Variants in GGT7 observed in about 807,000 individuals in gnomAD.
GGT7 encodes the protein gamma-glutamyltransferase 7.
GGT7 carries 30 observed loss-of-function variants against 69.2 expected under a neutral mutation model. That is an observed-to-expected ratio of 0.43 (90% CI 0.32 to 0.59). The LOEUF is 0.59. GGT7 is among the 20% of genes least tolerant of loss of function. GGT7 has a pLI of 0.05. For synonymous variants in GGT7, 388 were observed against 391.8 expected, an observed-to-expected ratio of 0.99 and a Z score of 0.12; for missense variants, 733 against 901.1, an observed-to-expected ratio of 0.81 and a Z score of 2.39.
intron 10 of GGT7, 101 bp from the exon 11 acceptor site, chr20:34,852,639 C>T: frequency 1.8e-6 from 2 of 1,128,852 alleles, no homozygotes; most frequent in Non-Finnish European, 2.4e-6. Flanking sequence ...ATGAAATCTA[C>T]CTCCCTCACT....
intron 1 of GGT7, among the ~76,000 whole-genome samples, chr20:34,870,968 T>C (rs2079767991): frequency 6.6e-6 from 1 of 151,588 alleles, no homozygotes; most frequent in Non-Finnish European, 1.5e-5. Context: ...ATTTTTGTAT[T>C]TTTAGTAGAG....
At chr20:34,859,691 G>A (rs1355432831) in intron 6 of GGT7, 52 bp from the exon 7 acceptor site, 3 of 1,415,892 alleles carry the variant, frequency 2.1e-6, no homozygotes, top group Non-Finnish European at 2.9e-6. Context: ...GACTGGACCG[G>A]ATGAGACGCG....
Position 34,859,559 on chromosome 20 carries a change from GTGGCGGGCGGCCCGA to G in GGT7, c.883_897del (p.Ser295_Pro299del). The G allele has an allele frequency of 6.2e-7, 1 of 1,604,950 alleles. No individual in the cohort carries two copies. The highest frequency in any genetic ancestry group is 8.5e-7 in the Non-Finnish European group (1 of 1,176,118). On this transcript the variant is annotated inframe_deletion, in exon 7 of 15. Transcript: ENST00000336431. ...GGCCGATGCAGCAACGAGCCAGGTA[GTGGCGGGCGGCCCGA>G]TGGCAGGAACGTCTCCCGGAAGCGC...
intron 10 of GGT7, 51 bp downstream of exon 10, chr20:34,854,479 TC>T (rs762822164): frequency 9.4e-5 from 105 of 1,114,982 alleles, no homozygotes; most frequent in Non-Finnish European, 1.4e-4. Flanking sequence ...CCTGACCCTT[TC>T]CCCACACCCA....
At chr20:34,846,318 T>C (rs2079306947) in intron 14 of GGT7, among the ~76,000 whole-genome samples, 1 of 151,184 alleles carries the variant, frequency 6.6e-6, no homozygotes, top group Admixed American at 6.6e-5. Flanking sequence ...CTTTCTTTTT[T>C]TTGAGGCGGA....
At chr20:34,850,252 G>C (rs1343215232) in intron 13 of GGT7, 192 bp from the exon 14 acceptor site, 1 of 760,072 alleles carries the variant, frequency 1.3e-6, no homozygotes, top group African/African-American at 1.7e-5. Flanking sequence ...GAGGGAAAGT[G>C]AAGTCCAGCA....
chr20:34,867,082 T>TTGTTGC (rs1205686739), intron 1 of GGT7, among the ~76,000 whole-genome samples: 2 of 152,152 alleles, frequency 1.3e-5, no homozygotes, highest in East Asian at 1.9e-4. Context: ...GTTGTTGTTG[T>TTGTTGC]TGTTGCTGTT....
In GGT7 at chr20:34,863,060, T is replaced by C; in HGVS notation, c.406-95A>G. The C allele has an allele frequency of 1.6e-6, 2 of 1,228,896 alleles. No homozygotes were observed. The highest frequency in any genetic ancestry group is 2.3e-6 in the Non-Finnish European group (2 of 876,218). 76.1% of individuals were successfully genotyped at this position (1,228,896 alleles called of 1,614,324 possible). ...CCTAGAACTCTACGCGGCATGAAGG[T>C]CGAAGCCCTGCCCCCTTGTTGCCTT... On this transcript the variant is annotated intron_variant, in intron 2 of 14. Transcript: ENST00000336431. This position sits in a 1 kb window ranked among gnomAD's most constrained non-coding sequence, Gnocchi z 4.4.
At chr20:34,858,029 C>A (rs2079523799) in intron 7 of GGT7, among the ~76,000 whole-genome samples, 1 of 152,180 alleles carries the variant, frequency 6.6e-6, no homozygotes. Flanking sequence ...CCCTTTGCCA[C>A]CTCCAGGAAA....
rs891071056 is a variant in GGT7 at position 34,852,478 on chromosome 20, T to A, written c.1380A>T (p.Pro460=). Residue 460 remains proline (P), a synonymous_variant, in exon 11 of 15, where the codon CCA becomes CCT. Coordinates refer to ENST00000336431, the MANE Select transcript of GGT7 (RefSeq NM_178026.3). The part of the protein sequence containing the change: ...HINDSQAAPA[P]LLPVYELDGA... Reference sequence around the variant, plus strand: ...CGTCTAGTTCATAGACAGGCAGGAGTGGGGCAGGGGCTGCCTGGGAGTCAT... The same window carrying A: ...CGTCTAGTTCATAGACAGGCAGGAGAGGGGCAGGGGCTGCCTGGGAGTCAT... 1.9e-6 allele frequency: 3 copies of A among 1,611,148 alleles called. No homozygotes were observed. Among genetic ancestry groups the A allele is most frequent in the Non-Finnish European group, 2.5e-6 (3 of 1,178,954 alleles).
chr20:34,845,122 CA>C lies in GGT7; in HGVS notation c.*205del. 2.3e-6 allele frequency: 1 copy of C among 439,552 alleles called. No individual in the cohort carries two copies. The highest frequency in any genetic ancestry group is 2.4e-5 in the African/African-American group (1 of 41,642). 27.2% of individuals were successfully genotyped at this position (439,552 alleles called of 1,614,324 possible). A position where few individuals can be genotyped will look rare whatever the true frequency, so the allele number is the denominator to read the frequency against. On this transcript the variant is annotated 3_prime_UTR_variant, in exon 15 of 15. Transcript: ENST00000336431. ...TGTAGATGCTGACACTCACCACCAC[CA>C]CCACCACCACCACCACCACCACCAC...
Position 34,861,483 on chromosome 20 carries a change from G to A in GGT7, c.637C>T (p.Leu213Phe), listed in dbSNP as rs1252447258. ...IDFRESAPGA[L>F]REETLQRSWE... ...GATCTTTGCAGGGTCTCTTCCCTGA[G>A]GGCCCCTGGTGCGGACTCCCGGAAA... The change falls in exon 4 of 15, where the codon CTC becomes TTC. Residue 213 changes from leucine (L) to phenylalanine (F), a missense_variant. Physicochemically the swap from Leu to Phe is conservative, Grantham distance 22. Transcript: ENST00000336431. The A allele has an allele frequency of 1.3e-6, 2 of 1,555,912 alleles. No homozygotes were observed. The highest frequency in any genetic ancestry group is 1.8e-5 in the Admixed American group (1 of 56,454).
chr20:34,872,582 G>T, intron 1 of GGT7, 65 bp downstream of exon 1: 1 of 1,151,942 alleles, frequency 8.7e-7, no homozygotes, highest in Non-Finnish European at 1.2e-6. Flanking sequence ...GTGGATGCTT[G>T]ACACAGAAGA....
intron 14 of GGT7, among the ~76,000 whole-genome samples, chr20:34,847,335 C>T (rs1411199851): frequency 6.6e-6 from 1 of 152,170 alleles, no homozygotes; most frequent in Non-Finnish European, 1.5e-5. Context: ...CTCAATCTAC[C>T]TCCCCTAAAT....
chr20:34,852,624 A>T, intron 10 of GGT7, 86 bp from the exon 11 acceptor site: 1 of 1,296,690 alleles, frequency 7.7e-7, no homozygotes. Context: ...TTGTGTAATT[A>T]TTTGATGAAA....
chr20:34,845,148 CCA>C lies in GGT7; in HGVS notation c.*178_*179del. The C allele has an allele frequency of 1.5e-5, 8 of 532,334 alleles. No individual in the cohort carries two copies. Among genetic ancestry groups the C allele is most frequent in the Non-Finnish European group, 2.0e-5 (6 of 299,714 alleles). 33.0% of individuals were successfully genotyped at this position (532,334 alleles called of 1,614,324 possible). On this transcript the variant is annotated 3_prime_UTR_variant, in exon 15 of 15. Transcript: ENST00000336431. Reference sequence around the variant, plus strand: ...ACCACCACCACCACCACCACCACCACCACCACAGGCCTCCTGATGGAGAATTT... The same window carrying C: ...ACCACCACCACCACCACCACCACCACCCACAGGCCTCCTGATGGAGAATTT...
At chr20:34,859,896 G>T in intron 6 of GGT7, 73 bp downstream of exon 6, 1 of 1,111,816 alleles carries the variant, frequency 9.0e-7, no homozygotes, top group Non-Finnish European at 1.3e-6. Flanking sequence ...CTCTGGCTTG[G>T]GCTCCAAATC....
At position 34,850,060 on chromosome 20, in the gene GGT7, C is replaced by T; in HGVS notation, c.1726G>A (p.Val576Ile). 1.2e-6 allele frequency: 2 copies of T among 1,608,830 alleles called. No individual in the cohort carries two copies. Among genetic ancestry groups the T allele is most frequent in the Non-Finnish European group, 1.7e-6 (2 of 1,175,248 alleles). The change falls in exon 14 of 15, where the codon GTT becomes ATT. Residue 576 changes from valine to isoleucine, a missense_variant and splice_region_variant. By Grantham distance (29) the Val-to-Ile change is conservative (BLOSUM62 3). Coordinates refer to ENST00000336431, the MANE Select transcript of GGT7 (RefSeq NM_178026.3). ...TTCAAGGTCAGGACATTCAGCAGAACCTGTGGTAGCCAAGGTACAGAAAAA... is the reference window on the plus strand; with the variant it reads ...TTCAAGGTCAGGACATTCAGCAGAATCTGTGGTAGCCAAGGTACAGAAAAA... ...AARGLSGLTQ[V>I]LLNVLTLNRN...
rs775834096 is a variant in GGT7, at chr20:34,861,573, C to G, written c.558-11G>C. The G allele has an allele frequency of 1.4e-5, 20 of 1,417,242 alleles. No homozygotes were observed. In the South Asian group the frequency reaches 2.7e-4, roughly 19 times the overall value. 87.8% of individuals were successfully genotyped at this position (1,417,242 alleles called of 1,614,324 possible). The stretch of plus-strand genomic sequence containing the variant: ...AGCATCACGCCCCCACTGGGAGAGA[C>G]ACAGAAGGGGAAGTGTGATGATAAC... On this transcript the variant is annotated splice_polypyrimidine_tract_variant and intron_variant, in intron 3 of 14. Transcript: ENST00000336431.
Sources: allele counts gnomAD v4.1 joint callset (sites outside exome capture counted in the v4.1 genomes callset), GRCh38; gene constraint gnomAD v4.1.1; non-coding constraint Gnocchi (gnomAD v3.1); transcripts MANE v1.5; gene names NCBI Gene and HGNC (gene_info 2026-07-23, HGNC 2026-07-21).